The following SPATA17 variants were observed in gnomAD, a reference collection of about 807,000 sequenced individuals.
The protein encoded by SPATA17 is spermatogenesis associated 17.
SPATA17 carries 53 observed loss-of-function variants against 62.2 expected under a neutral mutation model. That is an observed-to-expected ratio of 0.85 (90% CI 0.68 to 1.07). The LOEUF is 1.07. Ranked by LOEUF, SPATA17 falls within the 50% of genes least tolerant of loss-of-function variation. SPATA17 has a pLI of 0.00. For missense variants in SPATA17, 466 were observed against 425.5 expected (o/e 1.10, Z -0.84); for synonymous variants, 146 against 146.8 (o/e 0.99, Z 0.04).
chr1:217,752,058 A>G (rs1016548554), intron 6 of SPATA17, among the ~76,000 whole-genome samples: 1 of 152,210 alleles, frequency 6.6e-6, no homozygotes, highest in African/African-American at 2.4e-5. Flanking sequence ...TTTTCTTTAG[A>G]TACAGAGTCT....
chr1:217,730,439 A>T (rs1015370179), intron 5 of SPATA17, among the ~76,000 whole-genome samples: 3 of 151,712 alleles, frequency 2.0e-5, no homozygotes, highest in Non-Finnish European at 4.4e-5. Flanking sequence ...CTGATCTCGA[A>T]CTCCTGACCT....
intron 9 of SPATA17, among the ~76,000 whole-genome samples, chr1:217,804,855 T>G (rs1674396419): frequency 6.6e-6 from 1 of 152,136 alleles, no homozygotes; most frequent in Non-Finnish European, 1.5e-5. Flanking sequence ...TTCACACATG[T>G]TAGAATGGCT....
intron 6 of SPATA17, among the ~76,000 whole-genome samples, chr1:217,749,983 CTCTATATATATA>C (rs1283535376): frequency 1.2e-4 from 3 of 24,068 alleles, no homozygotes; most frequent in African/African-American, 4.7e-4. Flanking sequence ...CTCTCTCTCT[CTCTATATATATA>C]TATATATATA....
intron 5 of SPATA17, among the ~76,000 whole-genome samples, chr1:217,722,052 C>T (rs920170679): frequency 6.6e-5 from 10 of 152,118 alleles, no homozygotes; most frequent in Non-Finnish European, 1.3e-4. Flanking sequence ...TTTTCCAGCT[C>T]CTCTTCCATC....
At chr1:217,735,832 C>T (rs1338750086) in intron 5 of SPATA17, among the ~76,000 whole-genome samples, 1 of 151,710 alleles carries the variant, frequency 6.6e-6, no homozygotes, top group Non-Finnish European at 1.5e-5. Context: ...AGAATGTGAC[C>T]ATCTTATTAA....
At chr1:217,741,954 C>G (rs771130013) in intron 5 of SPATA17, 21 bp from the exon 6 acceptor site, 12 of 1,613,288 alleles carry the variant, frequency 7.4e-6, no homozygotes, top group Non-Finnish European at 1.0e-5. Context: ...TCATAAATAA[C>G]TGCAGATGGT....
At chr1:217,791,581 C>T (rs1441108486) in intron 8 of SPATA17, among the ~76,000 whole-genome samples, 1 of 152,122 alleles carries the variant, frequency 6.6e-6, no homozygotes, top group East Asian at 1.9e-4. Context: ...CAGACACCTG[C>T]GTCTAAAGAA....
intron 1 of SPATA17, among the ~76,000 whole-genome samples, chr1:217,639,851 A>T (rs1265730577): frequency 2.6e-5 from 4 of 152,060 alleles, no homozygotes; most frequent in Admixed American, 6.6e-5. Flanking sequence ...TCTCTCAATG[A>T]CATGTGCATC....
intron 3 of SPATA17, among the ~76,000 whole-genome samples, chr1:217,662,912 T>C (rs1422387116): frequency 6.6e-6 from 1 of 152,152 alleles, no homozygotes; most frequent in Non-Finnish European, 1.5e-5. Context: ...TTTAGTGTAA[T>C]ACCAGAAAAC....
chr1:217,737,814 A>G (rs1558585722), intron 5 of SPATA17: 1 of 148,292 alleles, frequency 6.7e-6, no homozygotes, highest in Non-Finnish European at 1.5e-5. Flanking sequence ...AGTTCAGCAG[A>G]TATGCTTGTT....
intron 4 of SPATA17, among the ~76,000 whole-genome samples, chr1:217,681,930 TAA>T: frequency 7.0e-6 from 1 of 141,980 alleles, no homozygotes; most frequent in Admixed American, 7.1e-5. Context: ...CCTTTCCTAT[TAA>T]AAAAAAAAAA....
At chr1:217,848,115 A>G (rs2103010001) in intron 9 of SPATA17, among the ~76,000 whole-genome samples, 1 of 152,320 alleles carries the variant, frequency 6.6e-6, no homozygotes, top group Non-Finnish European at 1.5e-5. Flanking sequence ...TAATTCTAAG[A>G]ACAGTAAATA....
intron 9 of SPATA17, among the ~76,000 whole-genome samples, chr1:217,829,854 G>A (rs887435149): frequency 2.0e-5 from 3 of 151,704 alleles, no homozygotes; most frequent in Admixed American, 1.3e-4. Flanking sequence ...GCGAGCCAAT[G>A]TACAACATAA....
At chr1:217,852,737 G>C (rs1423580213) in intron 9 of SPATA17, among the ~76,000 whole-genome samples, 5 of 152,110 alleles carry the variant, frequency 3.3e-5, no homozygotes, top group East Asian at 1.9e-4. Flanking sequence ...ATAAGGTTTT[G>C]GTAACTTGAA....
rs377507864 is a variant in SPATA17, at chr1:217,785,328, C to T, written c.872+3006C>T. On this transcript the variant is annotated intron_variant, in intron 8 of 10. Transcript: ENST00000366933. Reference sequence around the variant, plus strand: ...AGACTGGGTAATTTATGAAGAAAAGCGGTTTAATTGACTCACAGTTCCAAA... The same window carrying T: ...AGACTGGGTAATTTATGAAGAAAAGTGGTTTAATTGACTCACAGTTCCAAA... 3.2e-3 allele frequency among the ~76,000 whole-genome samples: 482 copies of T among 152,092 alleles called. 2 individuals carry two copies. The highest frequency in any genetic ancestry group is 0.011 in the African/African-American group (439 of 41,492).
chr1:217,773,754 A>G (rs1360323020), intron 6 of SPATA17, among the ~76,000 whole-genome samples: 1 of 152,168 alleles, frequency 6.6e-6, no homozygotes, highest in African/African-American at 2.4e-5. Flanking sequence ...GATATATAAT[A>G]TAGTATTATA....
At chr1:217,752,382 G>C (rs146422714) in intron 6 of SPATA17, among the ~76,000 whole-genome samples, 11 of 152,182 alleles carry the variant, frequency 7.2e-5, no homozygotes, top group African/African-American at 2.6e-4. Context: ...AATTTTAATG[G>C]CCTGATAATA....
intron 9 of SPATA17, among the ~76,000 whole-genome samples, chr1:217,856,024 C>T (rs375375243): frequency 5.3e-5 from 8 of 151,210 alleles, no homozygotes; most frequent in East Asian, 1.9e-4. Context: ...TGCACCTGGC[C>T]GACAGATGGA....
chr1:217,677,445 C>A (rs1382003671), intron 4 of SPATA17, among the ~76,000 whole-genome samples: 1 of 151,710 alleles, frequency 6.6e-6, no homozygotes, highest in Non-Finnish European at 1.5e-5. Context: ...AGAATAATGA[C>A]CCCGAGATTA....
Sources: allele counts gnomAD v4.1 joint callset (sites outside exome capture counted in the v4.1 genomes callset), GRCh38; gene constraint gnomAD v4.1.1; transcripts MANE v1.5; gene names NCBI Gene and HGNC (gene_info 2026-07-23, HGNC 2026-07-21).